MEOX2: variants seen among roughly 807,000 people sequenced by gnomAD.
The protein encoded by MEOX2 is homeobox protein MOX-2.
In MEOX2, 11 loss-of-function variants were observed where a neutral mutation model predicts 27.0. The ratio of observed to expected loss-of-function variants is 0.41; its 90% confidence interval spans 0.26 to 0.68. The LOEUF (loss-of-function observed/expected upper bound fraction) is 0.68. Ranked by LOEUF, MEOX2 falls within the 30% of genes least tolerant of loss-of-function variation. MEOX2 has a pLI of 0.33. For missense variants in MEOX2, 436 were observed against 385.4 expected (o/e 1.13, Z -1.10); for synonymous variants, 189 against 155.4 (o/e 1.22, Z -1.61).
At chr7:15,674,381 A>G (rs1440062739) in intron 1 of MEOX2, among the ~76,000 whole-genome samples, 3 of 152,130 alleles carry the variant, frequency 2.0e-5, no homozygotes, top group Admixed American at 6.6e-5. Flanking sequence ...AAAGTAGGCA[A>G]AGGGGAAAAA....
chr7:15,663,861 T>G (rs925788776), intron 1 of MEOX2, among the ~76,000 whole-genome samples: 17 of 152,110 alleles, frequency 1.1e-4, no homozygotes, highest in African/African-American at 4.1e-4. Context: ...AGAGACAAAA[T>G]AACTTGTTAT....
At chr7:15,672,773 T>C (rs1214901131) in intron 1 of MEOX2, among the ~76,000 whole-genome samples, 1 of 151,818 alleles carries the variant, frequency 6.6e-6, no homozygotes, top group Admixed American at 6.6e-5. Context: ...GTGCCTGTAG[T>C]CCCAGCTACT....
chr7:15,625,424 T>C (rs1182343532), intron 2 of MEOX2, among the ~76,000 whole-genome samples: 1 of 152,152 alleles, frequency 6.6e-6, no homozygotes, highest in Non-Finnish European at 1.5e-5. Flanking sequence ...AAACTGCCAA[T>C]AAATAAAACC....
At chr7:15,663,651 T>C (rs948657938) in intron 1 of MEOX2, among the ~76,000 whole-genome samples, 4 of 152,180 alleles carry the variant, frequency 2.6e-5, no homozygotes, top group Non-Finnish European at 5.9e-5. Flanking sequence ...TAATCTTTAA[T>C]ATATAAAAAT....
intron 1 of MEOX2, among the ~76,000 whole-genome samples, chr7:15,640,981 GA>G (rs1781550812): frequency 6.6e-6 from 1 of 151,914 alleles, no homozygotes; most frequent in African/African-American, 2.4e-5. Context: ...ATTGGCTTAT[GA>G]TTTTATTTTT....
At chr7:15,672,210 T>C (rs1464363269) in intron 1 of MEOX2, among the ~76,000 whole-genome samples, 1 of 152,220 alleles carries the variant, frequency 6.6e-6, no homozygotes, top group Non-Finnish European at 1.5e-5. Flanking sequence ...CAATGCAGAT[T>C]GCTTGATATT....
At chr7:15,628,094 GT>G (rs1011137828) in intron 1 of MEOX2, among the ~76,000 whole-genome samples, 8 of 151,910 alleles carry the variant, frequency 5.3e-5, no homozygotes, top group Admixed American at 1.3e-4. Context: ...CATTTTAATT[GT>G]TTTTTTAATT....
At chr7:15,647,336 C>T (rs906165295) in intron 1 of MEOX2, among the ~76,000 whole-genome samples, 1 of 152,074 alleles carries the variant, frequency 6.6e-6, no homozygotes, top group Admixed American at 6.6e-5. Context: ...ATAGCAGTAT[C>T]TCAGAGAGGT....
intron 1 of MEOX2, among the ~76,000 whole-genome samples, chr7:15,647,857 G>A (rs74822603): frequency 0.012 from 1,805 of 152,142 alleles, 19 homozygotes; most frequent in Non-Finnish European, 0.021. Context: ...GGAGGCATTA[G>A]CTCATCTTCT....
intron 1 of MEOX2, among the ~76,000 whole-genome samples, chr7:15,642,509 C>A (rs1189490228): frequency 6.6e-6 from 1 of 152,142 alleles, no homozygotes; most frequent in East Asian, 1.9e-4. Flanking sequence ...CTTTTGTCTT[C>A]TAAATTGATT....
chr7:15,676,553 G>C (rs1782195746), intron 1 of MEOX2, among the ~76,000 whole-genome samples: 1 of 151,970 alleles, frequency 6.6e-6, no homozygotes, highest in Non-Finnish European at 1.5e-5. Flanking sequence ...TAAATGCCCT[G>C]CCCCTCTGTA....
chr7:15,648,513 G>C (rs1781684776), intron 1 of MEOX2, among the ~76,000 whole-genome samples: 1 of 152,042 alleles, frequency 6.6e-6, no homozygotes, highest in South Asian at 2.1e-4. Flanking sequence ...CAGAGGAAAG[G>C]ATAGCAGGCC....
At chr7:15,617,901 A>G (rs1391108562) in intron 2 of MEOX2, among the ~76,000 whole-genome samples, 1 of 152,206 alleles carries the variant, frequency 6.6e-6, no homozygotes, top group Admixed American at 6.5e-5. Flanking sequence ...TTTTAAAACA[A>G]AATGAATACA....
intron 1 of MEOX2, chr7:15,679,990 A>C (rs1583796240): frequency 6.6e-6 from 1 of 151,816 alleles, no homozygotes; most frequent in Non-Finnish European, 1.5e-5. Flanking sequence ...AAATTTAGAA[A>C]TATTATATTT....
At chr7:15,653,176 T>G (rs2115378356) in intron 1 of MEOX2, among the ~76,000 whole-genome samples, 1 of 138,812 alleles carries the variant, frequency 7.2e-6, no homozygotes, top group Non-Finnish European at 1.6e-5. Flanking sequence ...TTAGCTCGTA[T>G]GATGGCTGTG....
At chr7:15,629,617 TG>T (rs1202190539) in intron 1 of MEOX2, among the ~76,000 whole-genome samples, 3 of 152,136 alleles carry the variant, frequency 2.0e-5, no homozygotes, top group Non-Finnish European at 4.4e-5. Context: ...TTCATGTAGT[TG>T]AAGTGGCACC....
In MEOX2 at chr7:15,686,569, G is replaced by A; in HGVS notation, c.-167C>T. 6.1e-6 allele frequency: 4 copies of A among 657,562 alleles called. No homozygotes were observed. Among genetic ancestry groups the A allele is most frequent in the South Asian group, 6.0e-5 (3 of 50,090 alleles). The allele number at this position is 657,562 out of a possible 1,614,324, so 40.7% of individuals were successfully genotyped here. A position where few individuals can be genotyped will look rare whatever the true frequency, so the allele number is the denominator to read the frequency against. On this transcript the variant is annotated 5_prime_UTR_variant, in exon 1 of 3. Transcript: ENST00000262041. Reference sequence around the variant, plus strand: ...ATAATCCCGGTCCTGAGCCCCAGCGGCCAGTCTCCTTTACATATGAACAGT... The same window carrying A: ...ATAATCCCGGTCCTGAGCCCCAGCGACCAGTCTCCTTTACATATGAACAGT...
chr7:15,615,457 C>G (rs1036348554), intron 2 of MEOX2, among the ~76,000 whole-genome samples: 3 of 151,770 alleles, frequency 2.0e-5, no homozygotes, highest in African/African-American at 7.3e-5. Context: ...AGTATGTGGA[C>G]GCCATCCATG....
intron 1 of MEOX2, among the ~76,000 whole-genome samples, chr7:15,660,986 CT>C (rs1276609470): frequency 3.0e-4 from 34 of 113,738 alleles, no homozygotes; most frequent in Non-Finnish European, 4.9e-4. Flanking sequence ...GCACTCCAGC[CT>C]TGGCAACAGA....
Sources: allele counts gnomAD v4.1 joint callset (sites outside exome capture counted in the v4.1 genomes callset), GRCh38; gene constraint gnomAD v4.1.1; transcripts MANE v1.5; gene names NCBI Gene and HGNC (gene_info 2026-07-23, HGNC 2026-07-21).